CTNNA2: variants seen among roughly 807,000 people sequenced by gnomAD.
CTNNA2 encodes the protein catenin alpha 2.
A neutral mutation model predicts 101.0 loss-of-function variants in CTNNA2; 42 were observed. The observed-to-expected ratio is 0.42, with a 90% CI of 0.32 to 0.54. CTNNA2 has a LOEUF of 0.54. CTNNA2 is among the 20% of genes least tolerant of loss of function. The pLI, the probability that CTNNA2 is intolerant of heterozygous loss-of-function variation, is 0.14. For missense variants in CTNNA2, 871 were observed against 1,223.1 expected, an observed-to-expected ratio of 0.71 and a Z score of 4.29; for synonymous variants, 450 against 456.4, an observed-to-expected ratio of 0.99 and a Z score of 0.18.
intron 2 of CTNNA2, among the ~76,000 whole-genome samples, chr2:79,703,208 G>A (rs1227742018): frequency 6.6e-6 from 1 of 152,144 alleles, no homozygotes; most frequent in Admixed American, 6.5e-5. Flanking sequence ...TAATCTGCAT[G>A]TTTATTTTGA....
intron 7 of CTNNA2, among the ~76,000 whole-genome samples, chr2:80,201,681 A>G (rs1479599752): frequency 6.6e-6 from 1 of 152,030 alleles, no homozygotes. Context: ...GGCCACAATA[A>G]TTCTTTTTCT....
chr2:80,107,760 A>G (rs1219187634), intron 7 of CTNNA2, among the ~76,000 whole-genome samples: 2 of 152,188 alleles, frequency 1.3e-5, no homozygotes. Context: ...GGCAGAGCTA[A>G]TAGAGCACTG....
intron 3 of CTNNA2, among the ~76,000 whole-genome samples, chr2:79,834,424 G>T (rs1027806182): frequency 6.6e-6 from 1 of 152,082 alleles, no homozygotes; most frequent in Non-Finnish European, 1.5e-5. Flanking sequence ...TGTTCTTGAT[G>T]AATTTTATTA....
At chr2:79,575,133 C>T (rs965393856) in intron 1 of CTNNA2, among the ~76,000 whole-genome samples, 21 of 152,056 alleles carry the variant, frequency 1.4e-4, no homozygotes, top group African/African-American at 5.1e-4. Context: ...TACATGAATG[C>T]TGTTGGTGGG....
chr2:80,574,906 C>T (rs1384122683), intron 13 of CTNNA2, among the ~76,000 whole-genome samples: 3 of 152,054 alleles, frequency 2.0e-5, no homozygotes, highest in Admixed American at 6.6e-5. Flanking sequence ...TATATATATT[C>T]ACAGGCCTAG....
At chr2:79,480,418 A>C (rs1456733977) in intron 4 of CTNNA2, among the ~76,000 whole-genome samples, 1 of 152,168 alleles carries the variant, frequency 6.6e-6, no homozygotes, top group Non-Finnish European at 1.5e-5. Context: ...GCATCCATAT[A>C]CTTAATCAGA....
At chr2:80,467,705 A>G (rs888252379) in intron 9 of CTNNA2, among the ~76,000 whole-genome samples, 5 of 152,170 alleles carry the variant, frequency 3.3e-5, no homozygotes, top group African/African-American at 9.7e-5. Context: ...TTCCCAATGT[A>G]ATAGTATTAA....
chr2:80,645,009 C>G (rs1673911834), intron 18 of CTNNA2, among the ~76,000 whole-genome samples: 1 of 152,118 alleles, frequency 6.6e-6, no homozygotes, highest in South Asian at 2.1e-4. Context: ...CTTGTAATCC[C>G]TTCTCTTCAG....
At chr2:80,345,166 C>A (rs1672618777) in intron 7 of CTNNA2, among the ~76,000 whole-genome samples, 1 of 152,160 alleles carries the variant, frequency 6.6e-6, no homozygotes, top group African/African-American at 2.4e-5. Flanking sequence ...AGTGGTTTGC[C>A]AAAATCATTA....
At position 80,183,183 on chromosome 2, in the gene CTNNA2, C is replaced by A. The variant is rs373461285; in HGVS notation, c.1057-210028C>A. ...ACACCATTTATCGGAAAATACCAAC[C>A]TCTCCCTCACCAGCATACACACTTT... On this transcript the variant is annotated intron_variant, in intron 7 of 18. Transcript: ENST00000402739. Among the ~76,000 whole-genome samples, 4 of 152,070 alleles carry A rather than the reference C, an allele frequency of 2.6e-5. No homozygotes were observed. The East Asian group carries it at 5.8e-4, about 22-fold the overall frequency.
At chr2:79,318,079 T>C (rs12622069) in intron 3 of CTNNA2, among the ~76,000 whole-genome samples, 1 of 151,836 alleles carries the variant, frequency 6.6e-6, no homozygotes, top group African/African-American at 2.4e-5. Flanking sequence ...ATATAGGGAC[T>C]TGAGATAATT....
chr2:80,325,612 A>G (rs1348314265), intron 7 of CTNNA2, among the ~76,000 whole-genome samples: 1 of 152,236 alleles, frequency 6.6e-6, no homozygotes, highest in Admixed American at 6.5e-5. Flanking sequence ...CTTTCTCTAC[A>G]ATATGAGAAG....
intron 7 of CTNNA2, among the ~76,000 whole-genome samples, chr2:80,160,370 C>T (rs1478825471): frequency 3.9e-5 from 6 of 152,076 alleles, no homozygotes; most frequent in Admixed American, 3.3e-4. Context: ...ATCGTGTTAA[C>T]CTGTATATCA....
intron 2 of CTNNA2, among the ~76,000 whole-genome samples, chr2:79,282,035 G>A (rs994231409): frequency 4.6e-5 from 7 of 151,974 alleles, no homozygotes; most frequent in African/African-American, 1.7e-4. Context: ...ATCTTTTATA[G>A]TGCTTTGTAG....
intron 6 of CTNNA2, among the ~76,000 whole-genome samples, chr2:79,906,347 G>C (rs11126745): frequency 5.9e-5 from 9 of 151,752 alleles, no homozygotes. Context: ...ACCTCTTCCC[G>C]TGCACATGTG....
At chr2:79,500,035 A>T (rs1023094149) in intron 4 of CTNNA2, among the ~76,000 whole-genome samples, 5 of 152,190 alleles carry the variant, frequency 3.3e-5, no homozygotes, top group African/African-American at 1.2e-4. Context: ...GACCACCCAC[A>T]TTATGGAGGC....
intron 15 of CTNNA2, among the ~76,000 whole-genome samples, chr2:80,597,944 C>T (rs1697130069): frequency 6.6e-6 from 1 of 151,852 alleles, no homozygotes; most frequent in African/African-American, 2.4e-5. Context: ...AGAAATAATA[C>T]CATTACTGGA....
At position 79,567,021 on chromosome 2, in the gene CTNNA2, G is replaced by T. The variant is rs1345906698; in HGVS notation, c.-6+53814G>T. Reference sequence around the variant, plus strand: ...ACTAGACCCAACAAATACACATTTGGGTAAACATATAGAGAAAGCATAACA... The same window carrying T: ...ACTAGACCCAACAAATACACATTTGTGTAAACATATAGAGAAAGCATAACA... On this transcript the variant is annotated intron_variant, in intron 1 of 18. Transcript: ENST00000402739. Among the ~76,000 whole-genome samples, 10 of 152,102 alleles carry T rather than the reference G, an allele frequency of 6.6e-5. No individual in the cohort carries two copies. In the East Asian group the frequency reaches 1.9e-3, roughly 29 times the overall value.
At chr2:79,889,693 C>A (rs547023686) in intron 6 of CTNNA2, among the ~76,000 whole-genome samples, 29 of 152,286 alleles carry the variant, frequency 1.9e-4, no homozygotes, top group African/African-American at 6.7e-4. Flanking sequence ...TACTAGTTTT[C>A]TTCTTCTCCT....
Sources: gnomAD v4.1 joint callset for allele counts (sites outside exome capture counted in the v4.1 genomes callset) on GRCh38, gnomAD v4.1.1 for gene constraint, MANE v1.5 for transcripts, NCBI Gene and HGNC (gene_info 2026-07-23, HGNC 2026-07-21) for gene names.